ADGRL3: variants seen among roughly 807,000 people sequenced by gnomAD.
ADGRL3 encodes adhesion G protein-coupled receptor L3, also known as calcium-independent alpha-latrotoxin receptor 3.
In ADGRL3, 62 loss-of-function variants were observed where a neutral mutation model predicts 153.5. The ratio of observed to expected loss-of-function variants is 0.40; its 90% CI spans 0.33 to 0.50. The LOEUF (loss-of-function observed/expected upper bound fraction) is 0.50, where lower values mean the gene tolerates loss of function less well. ADGRL3 is among the 20% of genes least tolerant of loss of function. The probability of loss-of-function intolerance (pLI) is 0.47; values close to 1 mark genes in which losing one functional copy is unlikely to be tolerated. For synonymous variants in ADGRL3, 710 were observed against 672.5 expected, an observed-to-expected ratio of 1.06 and a Z score of -0.86; for missense variants, 1,641 against 1,859.4, an observed-to-expected ratio of 0.88 and a Z score of 2.16.
At chr4:61,206,589 T>C (rs1418737270) in intron 1 of ADGRL3, among the ~76,000 whole-genome samples, 4 of 152,244 alleles carry the variant, frequency 2.6e-5, no homozygotes, top group Non-Finnish European at 5.9e-5. Flanking sequence ...ATCATTGCTC[T>C]GATGGCATAT....
At chr4:61,981,532 A>G (rs2099068322) in intron 18 of ADGRL3, among the ~76,000 whole-genome samples, 1 of 152,092 alleles carries the variant, frequency 6.6e-6, no homozygotes. Context: ...AAAAAAAGGG[A>G]AAGAAAAGAA....
chr4:62,045,132 T>C (rs1197567515), intron 25 of ADGRL3, among the ~76,000 whole-genome samples: 1 of 152,018 alleles, frequency 6.6e-6, no homozygotes, highest in African/African-American at 2.4e-5. Context: ...ATTTTTGAAA[T>C]GAAGAAATGA....
intron 25 of ADGRL3, among the ~76,000 whole-genome samples, chr4:62,064,176 T>G (rs1459072896): frequency 6.6e-6 from 1 of 152,056 alleles, no homozygotes; most frequent in Non-Finnish European, 1.5e-5. Context: ...AGTAGCAGCT[T>G]GGGTTCCGCC....
rs556763191 is a variant in ADGRL3, at chr4:61,349,269, T to C, written c.-239-33855T>C. ...TGTTCAGAAATGTGTTCCATCAATA[T>C]GTGGATTTATTTCCTTCGTAATTTT... On this transcript the variant is annotated intron_variant, in intron 1 of 26. Transcript: ENST00000683033. Among the ~76,000 whole-genome samples, 17 of 152,214 alleles carry C rather than the reference T, an allele frequency of 1.1e-4. 1 individual carries two copies. The South Asian group carries it at 2.7e-3, about 24-fold the overall frequency.
intron 21 of ADGRL3, among the ~76,000 whole-genome samples, chr4:62,010,303 A>G (rs9991832): frequency 0.89 from 135,020 of 151,980 alleles, 60,670 homozygotes; most frequent in South Asian, 0.95. Context: ...CCATCGCCTT[A>G]CCACACACCT....
intron 4 of ADGRL3, among the ~76,000 whole-genome samples, chr4:61,550,596 A>G (rs531408541): frequency 6.6e-6 from 1 of 152,034 alleles, no homozygotes; most frequent in East Asian, 1.9e-4. Flanking sequence ...GGAGTGGTGA[A>G]TCAGTGATAT....
At chr4:61,407,822 T>G (rs1297865414) in intron 2 of ADGRL3, among the ~76,000 whole-genome samples, 1 of 152,180 alleles carries the variant, frequency 6.6e-6, no homozygotes, top group Non-Finnish European at 1.5e-5. Context: ...ACTCTCTAAA[T>G]GAATGAATTC....
At chr4:62,016,119 G>A (rs968346411) in intron 21 of ADGRL3, among the ~76,000 whole-genome samples, 2 of 151,634 alleles carry the variant, frequency 1.3e-5, no homozygotes, top group African/African-American at 2.4e-5. Context: ...CCTGATCTCG[G>A]CTCACTGAAA....
At chr4:61,378,527 C>T (rs868238250) in intron 1 of ADGRL3, among the ~76,000 whole-genome samples, 40 of 151,932 alleles carry the variant, frequency 2.6e-4, no homozygotes, top group Middle Eastern at 3.2e-3. Context: ...GAGACTTCAG[C>T]ACAGTGTTTA....
chr4:61,590,807 C>T (rs947713303), intron 5 of ADGRL3, among the ~76,000 whole-genome samples: 1 of 152,046 alleles, frequency 6.6e-6, no homozygotes, highest in Admixed American at 6.6e-5. Flanking sequence ...ATTAGTGGAA[C>T]CAGAAGAGAC....
At chr4:61,644,872 G>A (rs533475679) in intron 5 of ADGRL3, among the ~76,000 whole-genome samples, 1,615 of 152,062 alleles carry the variant, frequency 0.011, 33 homozygotes, top group African/African-American at 0.036. Context: ...TCTGTCTAAT[G>A]TTGACAGTGG....
chr4:61,308,407 T>C (rs1193042514), intron 1 of ADGRL3, among the ~76,000 whole-genome samples: 1 of 152,178 alleles, frequency 6.6e-6, no homozygotes, highest in Non-Finnish European at 1.5e-5. Flanking sequence ...GTATTAATTG[T>C]TGCTCATTTT....
At chr4:62,007,385 C>T (rs376769421) in intron 21 of ADGRL3, among the ~76,000 whole-genome samples, 50 of 19,062 alleles carry the variant, frequency 2.6e-3, no homozygotes, top group African/African-American at 5.2e-3. Context: ...TATATATATA[C>T]ACACACACAC....
At chr4:61,959,928 A>G (rs980466911) in intron 17 of ADGRL3, among the ~76,000 whole-genome samples, 1 of 152,146 alleles carries the variant, frequency 6.6e-6, no homozygotes, top group Admixed American at 6.5e-5. Flanking sequence ...ATTAAAAATC[A>G]TAGCTAATAC....
At chr4:61,916,586 A>G (rs1218433979) in intron 13 of ADGRL3, among the ~76,000 whole-genome samples, 1 of 152,196 alleles carries the variant, frequency 6.6e-6, no homozygotes, top group African/African-American at 2.4e-5. Flanking sequence ...AAGGCCACAC[A>G]AGTAGCACTG....
rs950756241 is a variant in ADGRL3 at position 61,520,445 on chromosome 4, C to T, written c.259+2927C>T. 2.0e-5 allele frequency among the ~76,000 whole-genome samples: 3 copies of T among 152,102 alleles called. No individual in the cohort carries two copies. In the East Asian group the frequency reaches 5.8e-4, roughly 29 times the overall value. On this transcript the variant is annotated intron_variant, in intron 4 of 26. Coordinates refer to ENST00000683033, the MANE Select transcript of ADGRL3 (RefSeq NM_001387552.1). ...GGAAAACAGCTAAAGCATTTCAGTC[C>T]TGACAAAACATCTGAAAAACTCTAC...
intron 1 of ADGRL3, among the ~76,000 whole-genome samples, chr4:61,374,973 A>C (rs1309742991): frequency 6.6e-6 from 1 of 152,074 alleles, no homozygotes; most frequent in African/African-American, 2.4e-5. Flanking sequence ...CTCTGAGAAC[A>C]CTTCATTAGA....
intron 1 of ADGRL3, among the ~76,000 whole-genome samples, chr4:61,212,546 T>TATTAATG (rs1740599131): frequency 6.6e-6 from 1 of 152,168 alleles, no homozygotes; most frequent in Non-Finnish European, 1.5e-5. Context: ...AGAGACTGAA[T>TATTAATG]ATTAATGATG....
At chr4:61,577,854 A>C (rs2098898808) in intron 4 of ADGRL3, among the ~76,000 whole-genome samples, 1 of 151,822 alleles carries the variant, frequency 6.6e-6, no homozygotes, top group Non-Finnish European at 1.5e-5. Flanking sequence ...CAAATTTGAC[A>C]ATGAATGTCA....
Sources: gnomAD v4.1 joint callset for allele counts (sites outside exome capture counted in the v4.1 genomes callset) on GRCh38, gnomAD v4.1.1 for gene constraint, MANE v1.5 for transcripts, NCBI Gene and HGNC (gene_info 2026-07-23, HGNC 2026-07-21) for gene names.